The following ZBTB46 variants were observed in gnomAD, a reference collection of about 807,000 sequenced individuals.
The protein encoded by ZBTB46 is zinc finger and BTB domain-containing protein 46.
ZBTB46 carries 8 observed loss-of-function variants against 44.1 expected under a neutral mutation model. The observed-to-expected ratio is 0.18, with a 90% CI of 0.11 to 0.33. ZBTB46 has a LOEUF of 0.33. Ranked by LOEUF, ZBTB46 falls within the 10% of genes least tolerant of loss-of-function variation. The probability of loss-of-function intolerance (pLI) is 1.00; values close to 1 mark genes in which losing one functional copy is unlikely to be tolerated. For synonymous variants in ZBTB46, 409 were observed against 382.3 expected (o/e 1.07, Z -0.81); for missense variants, 651 against 847.7 (o/e 0.77, Z 2.88).
In ZBTB46 at chr20:63,752,822, G is replaced by T; in HGVS notation, c.1262C>A (p.Pro421Gln). 1 of 1,611,984 alleles carries T rather than the reference G, an allele frequency of 6.2e-7. No homozygotes were observed. Among genetic ancestry groups the T allele is most frequent in the Non-Finnish European group, 8.5e-7 (1 of 1,178,760 alleles). ...GTGCATGGCCGAGAAGCTGCAGTAC[G>T]GACACTTGAACTTCTTCCTGATCAC... Reference protein sequence around the residue: ...FTVIRKKFKCPYCSFSAMHQC... With the variant: ...FTVIRKKFKCQYCSFSAMHQC... The change falls in exon 4 of 5, where the codon CCG becomes CAG. Residue 421 changes from proline to glutamine, a missense_variant. Physicochemically the swap from Pro to Gln is moderately conservative, Grantham distance 76. Coordinates refer to ENST00000245663, the MANE Select transcript of ZBTB46 (RefSeq NM_001369741.1). This position sits in a 1 kb window ranked among gnomAD's most constrained non-coding sequence, Gnocchi z 5.6.
At chr20:63,775,497 T>G (rs1476460308) in intron 3 of ZBTB46, 181 bp downstream of exon 3, 3 of 731,690 alleles carry the variant, frequency 4.1e-6, no homozygotes, top group Non-Finnish European at 6.2e-6. Context: ...CAGCCCCCCG[T>G]GCACCTGAGA....
intron 1 of ZBTB46, among the ~76,000 whole-genome samples, chr20:63,807,260 T>A (rs1185970197): frequency 1.3e-5 from 2 of 152,240 alleles, no homozygotes; most frequent in Admixed American, 1.3e-4. Flanking sequence ...AAAAGTACAA[T>A]AACTGTAGTG....
Position 63,787,805 on chromosome 20 carries a change from A to T in ZBTB46, c.937+2016T>A, listed in dbSNP as rs887135350. ...ATGTATGTTCTACCACAATGATAAA[A>T]GTTAACGTATTATCGAGCTGTGTTC... On this transcript the variant is annotated intron_variant, in intron 2 of 4. Transcript: ENST00000245663. This position sits in a 1 kb window ranked among gnomAD's most constrained non-coding sequence, Gnocchi z 4.6. 1 of 152,276 alleles carries T rather than the reference A, an allele frequency of 6.6e-6. No homozygotes were observed. Among genetic ancestry groups the T allele is most frequent in the African/African-American group, 2.4e-5 (1 of 41,474 alleles). The allele number at this position is 152,276 out of a possible 1,614,324, so 9.4% of individuals were successfully genotyped here.
rs1345792523 is a variant in ZBTB46 at position 63,767,381 on chromosome 20, G to A, written c.1222+8297C>T. Among the ~76,000 whole-genome samples, 1 of 152,142 alleles carries A rather than the reference G, an allele frequency of 6.6e-6. No homozygotes were observed. Among genetic ancestry groups the A allele is most frequent in the Non-Finnish European group, 1.5e-5 (1 of 68,038 alleles). Reference sequence around the variant, plus strand: ...CCCGCCCCAGCTGCCCACCGGCTGGGCATGGAGATGCCTTCACCTGGCAGC... The same window carrying A: ...CCCGCCCCAGCTGCCCACCGGCTGGACATGGAGATGCCTTCACCTGGCAGC... On this transcript the variant is annotated intron_variant, in intron 3 of 4. Coordinates refer to ENST00000245663, the MANE Select transcript of ZBTB46 (RefSeq NM_001369741.1). The surrounding 1 kb of genome is among the most constrained non-coding windows in gnomAD (Gnocchi z 5.0).
chr20:63,796,558 G>A (rs967356180), intron 1 of ZBTB46, among the ~76,000 whole-genome samples: 2 of 152,230 alleles, frequency 1.3e-5, no homozygotes, highest in Non-Finnish European at 2.9e-5. Context: ...GAGTGCGGTG[G>A]CGCACGCCTG....
rs1397653151 is a variant in ZBTB46 at position 63,803,861 on chromosome 20, C to G, written c.-33-13071G>C. Among the ~76,000 whole-genome samples the G allele has an allele frequency of 6.6e-6, 1 of 152,208 alleles. No individual in the cohort carries two copies. The highest frequency in any genetic ancestry group is 1.5e-5 in the Non-Finnish European group (1 of 68,034). On this transcript the variant is annotated intron_variant, in intron 1 of 4. Coordinates refer to ENST00000245663, the MANE Select transcript of ZBTB46 (RefSeq NM_001369741.1). This position sits in a 1 kb window ranked among gnomAD's most constrained non-coding sequence, Gnocchi z 4.0. ...CAGCTGGGACCACAGGGGCACGCCA[C>G]CACACGGGCTAATTTTTTTGTTTTG...
intron 1 of ZBTB46, among the ~76,000 whole-genome samples, chr20:63,819,023 A>G (rs2092776340): frequency 6.6e-6 from 1 of 151,776 alleles, no homozygotes; most frequent in Non-Finnish European, 1.5e-5. Flanking sequence ...GAATACAAAA[A>G]TTAGCCAGGC....
chr20:63,760,892 C>T (rs1212013077), intron 3 of ZBTB46, among the ~76,000 whole-genome samples: 2 of 150,702 alleles, frequency 1.3e-5, no homozygotes, highest in Non-Finnish European at 3.0e-5. Flanking sequence ...TGGCCTCAAG[C>T]GAGCCTTCTG....
At chr20:63,785,766 T>C (rs912069421) in intron 2 of ZBTB46, among the ~76,000 whole-genome samples, 1 of 152,160 alleles carries the variant, frequency 6.6e-6, no homozygotes, top group East Asian at 1.9e-4. Context: ...CGCCACAGCG[T>C]GGGCAGAACC....
intron 3 of ZBTB46, among the ~76,000 whole-genome samples, chr20:63,768,524 T>C (rs1355433478): frequency 2.6e-5 from 4 of 152,136 alleles, no homozygotes; most frequent in African/African-American, 9.7e-5. Context: ...GGAGAATCTC[T>C]TGAACCCCGA....
rs373564821 is a variant in ZBTB46, at chr20:63,775,738, G to C, written c.1162C>G (p.Leu388Val). The change falls in exon 3 of 5, where the codon CTG becomes GTG. Residue 388 changes from leucine (L) to valine (V), a missense_variant. Leu to Val is a conservative substitution (Grantham distance 32). Transcript: ENST00000245663. ...NSLLSLKADV[L>V]GDDGSLLFEY... ...AACAGCAGGGAGCCGTCATCCCCCA[G>C]CACGTCGGCCTTCAGCGACAGCAGG... is the stretch of plus-strand genomic sequence containing the variant. 5 of 1,611,362 alleles carry C rather than the reference G, an allele frequency of 3.1e-6. No individual in the cohort carries two copies. In the African/African-American group the frequency reaches 6.7e-5, roughly 22 times the overall value.
At chr20:63,797,857 T>G (rs2092615311) in intron 1 of ZBTB46, among the ~76,000 whole-genome samples, 5 of 152,208 alleles carry the variant, frequency 3.3e-5, no homozygotes, top group Admixed American at 2.6e-4. Context: ...GTTGTTTGAT[T>G]TTTTCTTGTA....
intron 1 of ZBTB46, among the ~76,000 whole-genome samples, chr20:63,801,233 G>C (rs1212084586): frequency 6.6e-6 from 1 of 152,166 alleles, no homozygotes; most frequent in Non-Finnish European, 1.5e-5. Context: ...TCTGTATCTG[G>C]CTCAAGGTTT....
In ZBTB46 at chr20:63,810,399, C is replaced by G. The variant is rs975311659; in HGVS notation, c.-33-19609G>C. On this transcript the variant is annotated intron_variant, in intron 1 of 4. Coordinates refer to ENST00000245663, the MANE Select transcript of ZBTB46 (RefSeq NM_001369741.1). ...GAAAGCCCAGCTGGTCGTGTCTGCA[C>G]AAGCTCACACACACCGACCACACTC... 2.0e-5 allele frequency among the ~76,000 whole-genome samples: 3 copies of G among 152,150 alleles called. No homozygotes were observed. In the East Asian group the frequency reaches 5.8e-4, roughly 29 times the overall value.
At chr20:63,754,879 G>A (rs1253223462) in intron 3 of ZBTB46, among the ~76,000 whole-genome samples, 3 of 152,182 alleles carry the variant, frequency 2.0e-5, no homozygotes, top group Non-Finnish European at 4.4e-5. Flanking sequence ...GATTACAGGC[G>A]TGAGCCACCG....
chr20:63,757,412 C>T (rs369375073), intron 3 of ZBTB46, among the ~76,000 whole-genome samples: 1 of 152,154 alleles, frequency 6.6e-6, no homozygotes, highest in Non-Finnish European at 1.5e-5. Context: ...TGTGAGCCAT[C>T]GCGCCTGGCC....
intron 1 of ZBTB46, among the ~76,000 whole-genome samples, chr20:63,822,265 G>A (rs1013270512): frequency 1.3e-5 from 2 of 152,226 alleles, no homozygotes; most frequent in South Asian, 2.1e-4. Flanking sequence ...GGGAATAAAC[G>A]ACGGGACACA....
chr20:63,790,245 C>T lies in ZBTB46; in HGVS notation c.513G>A (p.Leu171=), dbSNP rs772711868. 6.2e-6 allele frequency: 10 copies of T among 1,611,392 alleles called. No individual in the cohort carries two copies. Among genetic ancestry groups the T allele is most frequent in the Non-Finnish European group, 8.5e-6 (10 of 1,179,128 alleles). Residue 171 remains leucine, a synonymous_variant, in exon 2 of 5, where the codon CTG becomes CTA. Coordinates refer to ENST00000245663, the MANE Select transcript of ZBTB46 (RefSeq NM_001369741.1). ...AATTGGCAGGACTCGTTCGCCGTGC[C>T]AGCCACGGGGAGATGCTCCTCCCAG... The part of the protein sequence containing the change: ...VMAGRSISPW[L]ARRTSPANSS...
chr20:63,750,347 G>A (rs967553332), intron 4 of ZBTB46, among the ~76,000 whole-genome samples: 1 of 152,060 alleles, frequency 6.6e-6, no homozygotes, highest in African/African-American at 2.4e-5. Flanking sequence ...CTGGGCTCAG[G>A]TGATCGTCCT....
Sources: allele counts gnomAD v4.1 joint callset (sites outside exome capture counted in the v4.1 genomes callset), GRCh38; gene constraint gnomAD v4.1.1; non-coding constraint Gnocchi (gnomAD v3.1); transcripts MANE v1.5; gene names NCBI Gene and HGNC (gene_info 2026-07-23, HGNC 2026-07-21).